MLLT10: variants seen among roughly 807,000 people sequenced by gnomAD.
The protein encoded by MLLT10 is MLLT10 histone lysine methyltransferase DOT1L cofactor.
A neutral mutation model predicts 129.1 loss-of-function variants in MLLT10; 30 were observed. That is an observed-to-expected ratio of 0.23 (90% CI 0.17 to 0.32). MLLT10 has a LOEUF of 0.32. Among genes scored for constraint, MLLT10 ranks in the 10% least tolerant of loss-of-function variants. MLLT10 has a pLI of 1.00. For synonymous variants in MLLT10, 490 were observed against 446.4 expected (o/e 1.10, Z -1.23); for missense variants, 1,119 against 1,268.3 (o/e 0.88, Z 1.79).
chr10:21,589,759 A>C (rs1449153164), intron 4 of MLLT10, among the ~76,000 whole-genome samples: 1 of 152,202 alleles, frequency 6.6e-6, no homozygotes, highest in East Asian at 1.9e-4. Flanking sequence ...AAAATGAAAC[A>C]GTTTGTGTAA....
intron 13 of MLLT10, among the ~76,000 whole-genome samples, chr10:21,684,331 T>G (rs1165528991): frequency 2.0e-5 from 3 of 152,198 alleles, no homozygotes; most frequent in African/African-American, 7.2e-5. Flanking sequence ...CACCTGTGCT[T>G]CTTAGCTTCC....
intron 13 of MLLT10, among the ~76,000 whole-genome samples, chr10:21,702,336 A>G (rs764363178): frequency 3.3e-5 from 5 of 152,288 alleles, no homozygotes; most frequent in Admixed American, 6.5e-5. Flanking sequence ...TTTGATTTTT[A>G]AAGATTTGTT....
intron 2 of MLLT10, among the ~76,000 whole-genome samples, chr10:21,535,143 G>GGCGGTT (rs1392276323): frequency 6.7e-6 from 1 of 148,340 alleles, no homozygotes; most frequent in Non-Finnish European, 1.5e-5. Context: ...CGGGGGCGGG[G>GGCGGTT]GCGGTGCGCG....
At chr10:21,688,863 G>T (rs1232368470) in intron 13 of MLLT10, among the ~76,000 whole-genome samples, 1 of 152,044 alleles carries the variant, frequency 6.6e-6, no homozygotes, top group African/African-American at 2.4e-5. Flanking sequence ...TTCTCACACT[G>T]AGATCAGGAA....
At chr10:21,558,645 C>T (rs2038389956) in intron 3 of MLLT10, among the ~76,000 whole-genome samples, 1 of 151,866 alleles carries the variant, frequency 6.6e-6, no homozygotes. Context: ...CTTGGCCTCC[C>T]AAGGTGCTGG....
intron 3 of MLLT10, chr10:21,556,808 G>A (rs574990610): frequency 2.5e-6 from 4 of 1,570,220 alleles, no homozygotes; most frequent in African/African-American, 1.4e-5. Context: ...TACTACAGCA[G>A]CTTTCTTCGG....
chr10:21,540,566 A>T (rs1317365552), intron 3 of MLLT10, among the ~76,000 whole-genome samples: 3 of 152,066 alleles, frequency 2.0e-5, no homozygotes, highest in Admixed American at 6.6e-5. Context: ...TGAGGGAGGT[A>T]TGTTTATCCT....
At chr10:21,740,553 C>G (rs2058742141) in intron 22 of MLLT10, among the ~76,000 whole-genome samples, 1 of 152,152 alleles carries the variant, frequency 6.6e-6, no homozygotes, top group Non-Finnish European at 1.5e-5. Flanking sequence ...GTTTATAGAA[C>G]CAGTCTATAT....
chr10:21,608,810 C>T (rs1055396206), intron 5 of MLLT10, among the ~76,000 whole-genome samples: 1 of 152,092 alleles, frequency 6.6e-6, no homozygotes, highest in African/African-American at 2.4e-5. Context: ...AAATAAAATT[C>T]AAACTCCAGA....
At chr10:21,729,185 T>G (rs1182623048) in intron 16 of MLLT10, among the ~76,000 whole-genome samples, 1 of 152,190 alleles carries the variant, frequency 6.6e-6, no homozygotes, top group Admixed American at 6.5e-5. Flanking sequence ...TATGCTGTGA[T>G]TAATTCTATG....
chr10:21,626,375 C>T (rs2046438106), intron 8 of MLLT10: 5 of 641,352 alleles, frequency 7.8e-6, no homozygotes, highest in East Asian at 2.7e-5. Context: ...CGTGCCACCC[C>T]CCAAGTCTAT....
intron 2 of MLLT10, among the ~76,000 whole-genome samples, chr10:21,538,577 G>A (rs912198042): frequency 2.0e-5 from 3 of 152,130 alleles, no homozygotes; most frequent in Non-Finnish European, 4.4e-5. Context: ...AAAATGCTGG[G>A]ATTACAGGCA....
intron 8 of MLLT10, among the ~76,000 whole-genome samples, chr10:21,630,909 A>G (rs947702166): frequency 6.6e-6 from 1 of 152,230 alleles, no homozygotes; most frequent in African/African-American, 2.4e-5. Context: ...TTGTTCATAC[A>G]GTTGGCCTTA....
intron 9 of MLLT10, among the ~76,000 whole-genome samples, chr10:21,665,488 G>A (rs755905325): frequency 6.6e-6 from 1 of 151,466 alleles, no homozygotes; most frequent in Non-Finnish European, 1.5e-5. Flanking sequence ...GGGTTTCTCC[G>A]TGTTGGTCAG....
chr10:21,700,647 T>C lies in MLLT10; in HGVS notation c.1700-13125T>C, dbSNP rs186472688. Among the ~76,000 whole-genome samples the C allele has an allele frequency of 5.3e-5, 8 of 152,322 alleles. No individual in the cohort carries two copies. The East Asian group carries it at 1.5e-3, about 29-fold the overall frequency. On this transcript the variant is annotated intron_variant, in intron 13 of 22. Coordinates refer to ENST00000307729, the MANE Select transcript of MLLT10 (RefSeq NM_001195626.3). Reference sequence around the variant, plus strand: ...GGTTTTGTCCTTTATTCTATTGATGTGATACCTATTATGTTAAACCATCCT... The same window carrying C: ...GGTTTTGTCCTTTATTCTATTGATGCGATACCTATTATGTTAAACCATCCT...
chr10:21,534,584 G>T (rs562268199), intron 1 of MLLT10, 61 bp from the exon 2 acceptor site: 91 of 1,531,544 alleles, frequency 5.9e-5, no homozygotes, highest in East Asian at 3.2e-4. Flanking sequence ...GGGGCTGTGT[G>T]GGGGGGAAGC....
chr10:21,613,321 T>C (rs1470705701), intron 6 of MLLT10, among the ~76,000 whole-genome samples: 2 of 152,090 alleles, frequency 1.3e-5, no homozygotes, highest in Non-Finnish European at 2.9e-5. Flanking sequence ...GAATAATCTG[T>C]GCACTAATTT....
At chr10:21,546,117 G>A (rs1306879010) in intron 3 of MLLT10, among the ~76,000 whole-genome samples, 5 of 152,070 alleles carry the variant, frequency 3.3e-5, no homozygotes, top group South Asian at 4.1e-4. Flanking sequence ...TTGCTCCATC[G>A]CCCAGGCTGG....
rs778187736 is a variant in MLLT10 at position 21,673,411 on chromosome 10, C to G, written c.1113C>G (p.Pro371=). Residue 371 remains proline (P), a synonymous_variant, in exon 11 of 23, where the codon CCC becomes CCG. Coordinates refer to ENST00000307729, the MANE Select transcript of MLLT10 (RefSeq NM_001195626.3). ...CTTCTGGAAGTTCAGTGCAGTCTCC[C>G]CAGGATTTCCTGAGCTTTACAGACT... ...KSSSGSSVQS[P]QDFLSFTDSD... The G allele has an allele frequency of 1.2e-6, 2 of 1,608,274 alleles. No homozygotes were observed. The highest frequency in any genetic ancestry group is 1.7e-6 in the Non-Finnish European group (2 of 1,177,746).
Sources: gnomAD v4.1 joint callset for allele counts (sites outside exome capture counted in the v4.1 genomes callset) on GRCh38, gnomAD v4.1.1 for gene constraint, MANE v1.5 for transcripts, NCBI Gene and HGNC (gene_info 2026-07-23, HGNC 2026-07-21) for gene names.